ASTN2: variants seen among roughly 807,000 people sequenced by gnomAD.
ASTN2 encodes the protein astrotactin 2.
In ASTN2, 54 loss-of-function variants were observed where a neutral mutation model predicts 139.8. That is an observed-to-expected ratio of 0.39 (90% CI 0.31 to 0.48). ASTN2 has a LOEUF of 0.48. Among genes scored for constraint, ASTN2 ranks in the 20% least tolerant of loss-of-function variants. The pLI, the probability that ASTN2 is intolerant of heterozygous loss-of-function variation, is 0.95. For synonymous variants in ASTN2, 756 were observed against 719.5 expected (o/e 1.05, Z -0.81); for missense variants, 1,565 against 1,725.1 (o/e 0.91, Z 1.64).
intron 2 of ASTN2, among the ~76,000 whole-genome samples, chr9:117,233,390 C>A (rs567504967): frequency 9.7e-4 from 148 of 152,266 alleles, no homozygotes; most frequent in African/African-American, 3.3e-3. Context: ...CCTCATCAGT[C>A]AAGTGGCAAC....
At chr9:117,163,202 A>C (rs1418210830) in intron 3 of ASTN2, among the ~76,000 whole-genome samples, 1 of 152,084 alleles carries the variant, frequency 6.6e-6, no homozygotes, top group African/African-American at 2.4e-5. Flanking sequence ...AGACAGCTAC[A>C]ACTCCAGTTA....
At chr9:117,004,110 TG>T (rs1266582136) in intron 7 of ASTN2, among the ~76,000 whole-genome samples, 1 of 151,962 alleles carries the variant, frequency 6.6e-6, no homozygotes, top group East Asian at 1.9e-4. Flanking sequence ...CTTCTCCAGT[TG>T]GGCTATTTAT....
rs115538761 is a variant in ASTN2 at position 116,844,494 on chromosome 9, A to G, written c.2040+19089T>C. Reference sequence around the variant, plus strand: ...GGCTTGAATCCCACCTGTCTTTGCCACTTACTAACCATGTAATGTTAGCCA... The same window carrying G: ...GGCTTGAATCCCACCTGTCTTTGCCGCTTACTAACCATGTAATGTTAGCCA... On this transcript the variant is annotated intron_variant, in intron 11 of 22. Coordinates refer to ENST00000313400, the MANE Select transcript of ASTN2 (RefSeq NM_001365068.1). 7.9e-3 allele frequency among the ~76,000 whole-genome samples: 1,209 copies of G among 152,260 alleles called. 16 individuals are homozygous for G. The highest frequency in any genetic ancestry group is 0.028 in the African/African-American group (1,169 of 41,558).
chr9:116,931,217 AG>A (rs1331656289), intron 10 of ASTN2, among the ~76,000 whole-genome samples: 4 of 152,166 alleles, frequency 2.6e-5, no homozygotes, highest in Non-Finnish European at 4.4e-5. Context: ...TTTATCGCTA[AG>A]CCTCATCATT....
chr9:116,737,029 A>G (rs1828943855), intron 13 of ASTN2, among the ~76,000 whole-genome samples: 2 of 152,116 alleles, frequency 1.3e-5, no homozygotes, highest in Non-Finnish European at 2.9e-5. Flanking sequence ...CAGAAAGTAG[A>G]GGGGGGACTT....
intron 3 of ASTN2, among the ~76,000 whole-genome samples, chr9:117,154,596 C>T (rs1830393353): frequency 6.6e-6 from 1 of 152,074 alleles, no homozygotes; most frequent in Admixed American, 6.6e-5. Flanking sequence ...AATATTATCA[C>T]TTCATTTTTA....
At position 116,906,586 on chromosome 9, in the gene ASTN2, T is replaced by C. The variant is rs1834168419; in HGVS notation, c.1890-42853A>G. On this transcript the variant is annotated intron_variant, in intron 10 of 22. Transcript: ENST00000313400. ...AATACTGTTGGTCTAGTCTAATCTT[T>C]TAAAGTAAAAGAAGAATGGTTTTCT... is the stretch of plus-strand genomic sequence containing the variant. Among the ~76,000 whole-genome samples the C allele has an allele frequency of 4.6e-5, 7 of 152,320 alleles. No homozygotes were observed. The South Asian group carries it at 1.5e-3, about 32-fold the overall frequency.
chr9:117,125,823 T>C lies in ASTN2; in HGVS notation c.1168+15503A>G, dbSNP rs562209220. ...AATGTGTCCCAAAAGGATCATTTCA[T>C]TGCGGCGGGGGGGGGAATTGGATTG... On this transcript the variant is annotated intron_variant, in intron 4 of 22. Coordinates refer to ENST00000313400, the MANE Select transcript of ASTN2 (RefSeq NM_001365068.1). Among the ~76,000 whole-genome samples the C allele has an allele frequency of 1.4e-4, 20 of 147,938 alleles. No homozygotes were observed. The East Asian group carries it at 2.8e-3, about 21-fold the overall frequency.
chr9:116,767,234 C>T (rs1829836020), intron 13 of ASTN2, among the ~76,000 whole-genome samples: 1 of 152,118 alleles, frequency 6.6e-6, no homozygotes, highest in Admixed American at 6.5e-5. Context: ...TGGGAACCCG[C>T]CCCTTCCCTG....
chr9:117,223,466 TG>T (rs1832596400), intron 2 of ASTN2, among the ~76,000 whole-genome samples: 1 of 152,030 alleles, frequency 6.6e-6, no homozygotes, highest in South Asian at 2.1e-4. Context: ...AGAGTTAAAG[TG>T]GTGGGTCAGC....
intron 19 of ASTN2, chr9:116,551,204 T>C (rs1164709144): frequency 6.6e-6 from 1 of 152,182 alleles, no homozygotes; most frequent in Admixed American, 6.5e-5. Flanking sequence ...GTCATTTGCA[T>C]TAATCAGCAT....
At chr9:117,308,754 G>T (rs73655688) in intron 1 of ASTN2, among the ~76,000 whole-genome samples, 3,528 of 152,006 alleles carry the variant, frequency 0.023, 123 homozygotes, top group African/African-American at 0.081. Context: ...TTAAAAGGTG[G>T]TCTAGTTCAT....
intron 1 of ASTN2, among the ~76,000 whole-genome samples, chr9:117,303,418 G>C (rs1056341000): frequency 1.3e-5 from 2 of 152,148 alleles, no homozygotes; most frequent in African/African-American, 4.8e-5. Context: ...GACCAAGTAA[G>C]AGCTCCTCAG....
At chr9:116,512,480 T>G (rs946672336) in intron 19 of ASTN2, among the ~76,000 whole-genome samples, 2 of 152,196 alleles carry the variant, frequency 1.3e-5, no homozygotes, top group Non-Finnish European at 2.9e-5. Context: ...TATATTCTGT[T>G]GATTTGGGGT....
Position 117,014,828 on chromosome 9 carries a change from A to T in ASTN2, c.1424-6569T>A, listed in dbSNP as rs537510841. Among the ~76,000 whole-genome samples the T allele has an allele frequency of 8.5e-4, 130 of 152,260 alleles. 1 individual carries two copies. In the Middle Eastern group the frequency reaches 0.01, roughly 12 times the overall value. On this transcript the variant is annotated intron_variant, in intron 6 of 22. Transcript: ENST00000313400. Reference sequence around the variant, plus strand: ...CCATCTGAGGACACAGGGAGAGGACAGCCATCTACAAGCCAAGGAGAGAGG... The same window carrying T: ...CCATCTGAGGACACAGGGAGAGGACTGCCATCTACAAGCCAAGGAGAGAGG...
intron 1 of ASTN2, among the ~76,000 whole-genome samples, chr9:117,360,774 C>T (rs1407528270): frequency 7.6e-6 from 1 of 132,446 alleles, no homozygotes; most frequent in Non-Finnish European, 1.7e-5. Flanking sequence ...CCCCTCTCTA[C>T]CCCCAGTCTC....
chr9:116,883,830 C>T (rs185156991), intron 10 of ASTN2, among the ~76,000 whole-genome samples: 2 of 152,296 alleles, frequency 1.3e-5, no homozygotes, highest in Non-Finnish European at 2.9e-5. Flanking sequence ...CATCTACAAG[C>T]CATTATGCAA....
At chr9:116,928,687 T>C (rs1421851735) in intron 10 of ASTN2, among the ~76,000 whole-genome samples, 1 of 151,968 alleles carries the variant, frequency 6.6e-6, no homozygotes, top group African/African-American at 2.4e-5. Flanking sequence ...AGAAAATGCT[T>C]AGAAAGGCAA....
intron 3 of ASTN2, among the ~76,000 whole-genome samples, chr9:117,193,495 G>A (rs1280658511): frequency 6.6e-6 from 1 of 151,752 alleles, no homozygotes; most frequent in Non-Finnish European, 1.5e-5. Flanking sequence ...AAAATTAGCT[G>A]GGTGTGGTGG....
Sources: allele counts gnomAD v4.1 joint callset (sites outside exome capture counted in the v4.1 genomes callset), GRCh38; gene constraint gnomAD v4.1.1; transcripts MANE v1.5; gene names NCBI Gene and HGNC (gene_info 2026-07-23, HGNC 2026-07-21).